Variants in CNTN5 observed in about 807,000 individuals in gnomAD.
CNTN5 encodes contactin 5.
In CNTN5, 77 loss-of-function variants were observed where a neutral mutation model predicts 129.1. The ratio of observed to expected loss-of-function variants is 0.60; its 90% CI spans 0.50 to 0.72. CNTN5 has a LOEUF of 0.72. CNTN5 is among the 30% of genes least tolerant of loss of function. CNTN5 has a pLI of 0.00. For missense variants in CNTN5, 1,478 were observed against 1,328.8 expected, an observed-to-expected ratio of 1.11 and a Z score of -1.75; for synonymous variants, 509 against 465.6, an observed-to-expected ratio of 1.09 and a Z score of -1.20.
intron 1 of CNTN5, among the ~76,000 whole-genome samples, chr11:99,048,505 T>C (rs1455520186): frequency 6.6e-6 from 1 of 152,208 alleles, no homozygotes; most frequent in Non-Finnish European, 1.5e-5. Flanking sequence ...AGTATCTTCA[T>C]TTAAATGTTT....
intron 18 of CNTN5, among the ~76,000 whole-genome samples, chr11:100,286,192 A>G (rs972246499): frequency 2.0e-5 from 3 of 152,214 alleles, no homozygotes; most frequent in Admixed American, 1.3e-4. Context: ...GGCGCCCGCC[A>G]TTGCCCAGGC....
chr11:100,099,833 T>A (rs903120993), intron 13 of CNTN5, among the ~76,000 whole-genome samples: 1 of 152,094 alleles, frequency 6.6e-6, no homozygotes, highest in Non-Finnish European at 1.5e-5. Flanking sequence ...TTACGTGTTA[T>A]CTCATTACAG....
intron 1 of CNTN5, among the ~76,000 whole-genome samples, chr11:99,099,328 A>G (rs1276485445): frequency 6.6e-6 from 1 of 152,138 alleles, no homozygotes; most frequent in Non-Finnish European, 1.5e-5. Flanking sequence ...ATGGGCCTTG[A>G]CTATACTCCA....
chr11:99,544,685 T>G (rs1378966696), intron 2 of CNTN5, among the ~76,000 whole-genome samples: 1 of 152,180 alleles, frequency 6.6e-6, no homozygotes, highest in African/African-American at 2.4e-5. Context: ...TGAAATCAGG[T>G]AACTGGTTCC....
chr11:100,049,784 T>A (rs1000887686), intron 9 of CNTN5, among the ~76,000 whole-genome samples: 5 of 151,814 alleles, frequency 3.3e-5, no homozygotes, highest in Admixed American at 6.6e-5. Context: ...ACAAGAAAAA[T>A]ACAAACAACC....
intron 8 of CNTN5, among the ~76,000 whole-genome samples, chr11:99,988,945 T>G (rs1938872222): frequency 6.6e-6 from 1 of 152,188 alleles, no homozygotes; most frequent in African/African-American, 2.4e-5. Flanking sequence ...CCTCACTGCC[T>G]CCTTTCAGTT....
At chr11:99,041,576 C>T (rs1393400351) in intron 1 of CNTN5, among the ~76,000 whole-genome samples, 7 of 152,160 alleles carry the variant, frequency 4.6e-5, no homozygotes, top group African/African-American at 1.7e-4. Flanking sequence ...TGTATGAATC[C>T]TATCATGTTC....
chr11:99,110,856 A>C (rs2155564), intron 1 of CNTN5, among the ~76,000 whole-genome samples: 71,863 of 151,902 alleles, frequency 0.47, 17,176 homozygotes, highest in East Asian at 0.61. Context: ...GAGTACCCAG[A>C]AGAACTGTGA....
At chr11:100,165,312 C>T (rs893299396) in intron 13 of CNTN5, among the ~76,000 whole-genome samples, 1 of 151,670 alleles carries the variant, frequency 6.6e-6, no homozygotes, top group Non-Finnish European at 1.5e-5. Flanking sequence ...AGTATCAGAT[C>T]CTGTGTAACT....
intron 16 of CNTN5, among the ~76,000 whole-genome samples, chr11:100,253,053 A>G (rs1046390237): frequency 6.6e-6 from 1 of 152,162 alleles, no homozygotes; most frequent in Non-Finnish European, 1.5e-5. Context: ...AGGAAGTGAT[A>G]GTGGCCACCT....
At chr11:99,499,459 T>A (rs1232834374) in intron 2 of CNTN5, among the ~76,000 whole-genome samples, 2 of 152,150 alleles carry the variant, frequency 1.3e-5, no homozygotes, top group Non-Finnish European at 2.9e-5. Context: ...CTCCCTTCCA[T>A]AGGATGCAGC....
intron 18 of CNTN5, among the ~76,000 whole-genome samples, chr11:100,289,677 G>A (rs1365764702): frequency 6.6e-6 from 1 of 151,394 alleles, no homozygotes; most frequent in Non-Finnish European, 1.5e-5. Flanking sequence ...AAAACTGGAA[G>A]CATTCCCTTT....
At chr11:99,462,468 G>A (rs1191483822) in intron 2 of CNTN5, among the ~76,000 whole-genome samples, 1 of 148,640 alleles carries the variant, frequency 6.7e-6, no homozygotes. Flanking sequence ...ATATTGATGT[G>A]CCCTGGAAGA....
chr11:100,338,904 G>T (rs1952096735), intron 21 of CNTN5, among the ~76,000 whole-genome samples: 1 of 151,996 alleles, frequency 6.6e-6, no homozygotes, highest in Admixed American at 6.5e-5. Flanking sequence ...CAAGCTCTGT[G>T]TGGGGCCTGC....
chr11:99,502,941 T>C (rs1040610003), intron 2 of CNTN5, among the ~76,000 whole-genome samples: 1 of 152,190 alleles, frequency 6.6e-6, no homozygotes, highest in Non-Finnish European at 1.5e-5. Flanking sequence ...TCAGTCATTC[T>C]GCATGGCTAG....
At chr11:99,671,097 G>A (rs772982416) in intron 3 of CNTN5, among the ~76,000 whole-genome samples, 1 of 150,370 alleles carries the variant, frequency 6.7e-6, no homozygotes, top group East Asian at 2.0e-4. Context: ...GAGTTCTCTC[G>A]CTCGCTCGCT....
In CNTN5 at chr11:100,343,011, A is replaced by T. The variant is rs1952200021; in HGVS notation, c.3030+1806A>T. Among the ~76,000 whole-genome samples, 3 of 152,186 alleles carry T rather than the reference A, an allele frequency of 2.0e-5. No homozygotes were observed. In the South Asian group the frequency reaches 6.2e-4, roughly 32 times the overall value. ...ATTTTCTAAAGAATAATTTGTATAA[A>T]ATGCTTGGCATATAAAATGTTCTCA... On this transcript the variant is annotated intron_variant, in intron 23 of 24. Transcript: ENST00000524871.
At chr11:99,173,516 A>G (rs1398350363) in intron 1 of CNTN5, among the ~76,000 whole-genome samples, 1 of 152,250 alleles carries the variant, frequency 6.6e-6, no homozygotes, top group Non-Finnish European at 1.5e-5. Flanking sequence ...TAAATATCAA[A>G]TTCATACTGA....
chr11:99,186,453 T>C (rs1858356805), intron 1 of CNTN5, among the ~76,000 whole-genome samples: 1 of 151,972 alleles, frequency 6.6e-6, no homozygotes, highest in African/African-American at 2.4e-5. Context: ...GTTGATAAGC[T>C]TTCATGATTT....
Sources: allele counts gnomAD v4.1 joint callset (sites outside exome capture counted in the v4.1 genomes callset), GRCh38; gene constraint gnomAD v4.1.1; transcripts MANE v1.5; gene names NCBI Gene and HGNC (gene_info 2026-07-23, HGNC 2026-07-21).